SLC4A8: variants seen among roughly 807,000 people sequenced by gnomAD.
SLC4A8 encodes solute carrier family 4 member 8.
A neutral mutation model predicts 125.0 loss-of-function variants in SLC4A8; 40 were observed. The observed-to-expected ratio is 0.32, with a 90% confidence interval of 0.25 to 0.42. SLC4A8 has a LOEUF of 0.42. Among genes scored for constraint, SLC4A8 ranks in the 10% least tolerant of loss-of-function variants. SLC4A8 has a pLI of 1.00. For synonymous variants in SLC4A8, 456 were observed against 476.0 expected (o/e 0.96, Z 0.55); for missense variants, 863 against 1,355.1 (o/e 0.64, Z 5.70).
At chr12:51,450,848 T>C (rs1192324468) in intron 2 of SLC4A8, 28 bp from the exon 3 acceptor site, 7 of 1,612,518 alleles carry the variant, frequency 4.3e-6, no homozygotes, top group Non-Finnish European at 5.9e-6. Flanking sequence ...AAAGGAGTTC[T>C]CTCCACAGAC....
Position 51,429,846 on chromosome 12 carries a change from G to A in SLC4A8, c.48+4811G>A, listed in dbSNP as rs553735984. 7.2e-5 allele frequency among the ~76,000 whole-genome samples: 11 copies of A among 151,826 alleles called. No homozygotes were observed. The South Asian group carries it at 2.3e-3, about 32-fold the overall frequency. On this transcript the variant is annotated intron_variant, in intron 1 of 24. Transcript: ENST00000453097. The stretch of plus-strand genomic sequence containing the variant: ...TTAAGAGTCAATGAGCTTTTCATAG[G>A]GGGTAGTAATAGAGGAAGGAAGTCA...
intron 16 of SLC4A8, among the ~76,000 whole-genome samples, chr12:51,479,583 T>G (rs1439791760): frequency 1.3e-5 from 2 of 150,972 alleles, no homozygotes; most frequent in Admixed American, 6.6e-5. Flanking sequence ...ACTACTGGGT[T>G]GAGGCACGAG....
chr12:51,450,682 A>G, intron 2 of SLC4A8, 194 bp from the exon 3 acceptor site: 1 of 602,480 alleles, frequency 1.7e-6, no homozygotes, highest in Non-Finnish European at 2.9e-6. Context: ...CATGTGCAGG[A>G]CAAAGGAAGA....
At chr12:51,478,690 A>G (rs1037498015) in intron 16 of SLC4A8, among the ~76,000 whole-genome samples, 1 of 152,200 alleles carries the variant, frequency 6.6e-6, no homozygotes, top group Non-Finnish European at 1.5e-5. Flanking sequence ...CTTAACATAT[A>G]TTTGTTTGGT....
At chr12:51,447,590 A>C (rs971241909) in intron 2 of SLC4A8, among the ~76,000 whole-genome samples, 3 of 152,150 alleles carry the variant, frequency 2.0e-5, no homozygotes, top group African/African-American at 7.2e-5. Flanking sequence ...TACAGCAGTC[A>C]AGGCCATGAA....
intron 1 of SLC4A8, among the ~76,000 whole-genome samples, chr12:51,393,625 GAGA>G (rs1032301525): frequency 9.8e-5 from 15 of 152,322 alleles, no homozygotes; most frequent in African/African-American, 3.6e-4. Flanking sequence ...GCAGAGTGTG[GAGA>G]AGAAGAGTTG....
Position 51,460,043 on chromosome 12 carries a change from T to G in SLC4A8, c.948T>G (p.Val316=). The G allele has an allele frequency of 6.2e-7, 1 of 1,613,886 alleles. No homozygotes were observed. The part of the protein sequence containing the change: ...GEVDILDRPI[V]AFVRLSPAVL... ...TGGATATTTTGGACCGTCCCATTGT[T>G]GCCTTTGTGAGGCTGTCTCCAGCTG... The change falls in exon 8 of 25, where the codon GTT becomes GTG. Residue 316 remains valine (V), a synonymous_variant. Transcript: ENST00000453097.
At chr12:51,458,896 A>G (rs926542254) in intron 7 of SLC4A8, among the ~76,000 whole-genome samples, 2 of 152,228 alleles carry the variant, frequency 1.3e-5, no homozygotes, top group African/African-American at 4.8e-5. Flanking sequence ...CTAGCTGCTT[A>G]GAATCTTCCC....
intron 2 of SLC4A8, chr12:51,440,990 G>A: frequency 9.9e-7 from 1 of 1,012,040 alleles, no homozygotes; most frequent in Non-Finnish European, 1.3e-6. Flanking sequence ...GATATCATTA[G>A]GATCTAATTG....
At chr12:51,449,124 T>C (rs1207198089) in intron 2 of SLC4A8, among the ~76,000 whole-genome samples, 2 of 152,172 alleles carry the variant, frequency 1.3e-5, no homozygotes, top group East Asian at 3.9e-4. Flanking sequence ...GAAGAACTTC[T>C]TCCATCTCTT....
chr12:51,513,955 C>G lies in SLC4A8; in HGVS notation c.*6517C>G, dbSNP rs1239694891. On this transcript the variant is annotated 3_prime_UTR_variant, in exon 25 of 25. Transcript: ENST00000453097. ...TACCCACTCAACTCTCCAGACTTCCCTCTTAGTAAAGGAATTCATAATTCT... is the reference window on the plus strand; with the variant it reads ...TACCCACTCAACTCTCCAGACTTCCGTCTTAGTAAAGGAATTCATAATTCT... 2.0e-5 allele frequency: 3 copies of G among 152,200 alleles called. No homozygotes were observed. The highest frequency in any genetic ancestry group is 4.4e-5 in the Non-Finnish European group (3 of 68,046). 9.4% of individuals were successfully genotyped at this position (152,200 alleles called of 1,614,324 possible).
chr12:51,475,281 C>T, intron 16 of SLC4A8, 75 bp downstream of exon 16: 1 of 1,448,608 alleles, frequency 6.9e-7, no homozygotes. Flanking sequence ...CTTCATGCTG[C>T]TTATGGGGTT....
intron 16 of SLC4A8, among the ~76,000 whole-genome samples, chr12:51,479,656 C>G (rs1156409768): frequency 1.4e-5 from 2 of 143,802 alleles, no homozygotes; most frequent in Admixed American, 7.2e-5. Flanking sequence ...GCATTCCAGC[C>G]TGGGCGACAG....
intron 16 of SLC4A8, among the ~76,000 whole-genome samples, chr12:51,483,470 C>CTTTTT (rs1951082462): frequency 1.3e-5 from 2 of 148,736 alleles, no homozygotes; most frequent in Non-Finnish European, 3.0e-5. Context: ...TTTTTCTTTT[C>CTTTTT]TCTTTTTTTT....
intron 22 of SLC4A8, among the ~76,000 whole-genome samples, chr12:51,498,574 C>G (rs900596896): frequency 3.3e-5 from 5 of 151,270 alleles, no homozygotes; most frequent in African/African-American, 9.7e-5. Context: ...AAATTGGCTT[C>G]TCATACACTA....
intron 5 of SLC4A8, among the ~76,000 whole-genome samples, chr12:51,455,357 C>A (rs1950112187): frequency 6.6e-6 from 1 of 150,538 alleles, no homozygotes; most frequent in Non-Finnish European, 1.5e-5. Flanking sequence ...ATGGAAATAA[C>A]AATTAAAAAA....
intron 21 of SLC4A8, among the ~76,000 whole-genome samples, chr12:51,495,470 C>CTTTTTTTTTTTTTTTTTTTT (rs3028942): frequency 6.6e-5 from 5 of 76,276 alleles, no homozygotes; most frequent in South Asian, 5.9e-4. Context: ...TTTCTTTCTT[C>CTTTTTTTTTTTTTTTTTTTT]TTTTTTTTTT....
At chr12:51,425,187 C>A in intron 1 of SLC4A8, 152 bp downstream of exon 1, 1 of 1,422,116 alleles carries the variant, frequency 7.0e-7, no homozygotes, top group South Asian at 1.5e-5. Flanking sequence ...AGGGGGCGCT[C>A]CGGGCGGTTG....
In SLC4A8 at chr12:51,451,019, CACGGTA is replaced by C; in HGVS notation, c.276_277+4del. The C allele has an allele frequency of 1.3e-6, 2 of 1,514,226 alleles. No individual in the cohort carries two copies. The highest frequency in any genetic ancestry group is 1.8e-6 in the Non-Finnish European group (2 of 1,129,354). 93.8% of individuals were successfully genotyped at this position (1,514,226 alleles called of 1,614,324 possible). ...GGAGGAAGGCCTGGAAGCCCTGGCC[CACGGTA>C]AGGGCCTTGGGAGACAGGGCGGGTG... On this transcript the variant is annotated splice_donor_variant and splice_donor_region_variant and coding_sequence_variant and intron_variant, in exon 3 of 25. Transcript: ENST00000453097. LOFTEE classifies it high-confidence loss of function.
Sources: gnomAD v4.1 joint callset for allele counts (sites outside exome capture counted in the v4.1 genomes callset) on GRCh38, gnomAD v4.1.1 for gene constraint, MANE v1.5 for transcripts, NCBI Gene and HGNC (gene_info 2026-07-23, HGNC 2026-07-21) for gene names.